Variants in PCDH15 observed in about 807,000 individuals in gnomAD.
The protein encoded by PCDH15 is protocadherin-15.
In PCDH15, 129 loss-of-function variants were observed where a neutral mutation model predicts 178.5. The ratio of observed to expected loss-of-function variants is 0.72; its 90% CI spans 0.63 to 0.84. The LOEUF (loss-of-function observed/expected upper bound fraction) is 0.84, where lower values mean the gene tolerates loss of function less well. PCDH15 is among the 40% of genes least tolerant of loss of function. The probability of loss-of-function intolerance (pLI) is 0.00; values close to 1 mark genes in which losing one functional copy is unlikely to be tolerated. For synonymous variants in PCDH15, 800 were observed against 732.0 expected (o/e 1.09, Z -1.50); for missense variants, 2,230 against 2,099.9 (o/e 1.06, Z -1.21).
At chr10:54,430,177 T>G (rs1229791976) in intron 3 of PCDH15, among the ~76,000 whole-genome samples, 1 of 151,738 alleles carries the variant, frequency 6.6e-6, no homozygotes, top group East Asian at 2.0e-4. Flanking sequence ...TGCCTCAACC[T>G]TCTGCTTAGC....
At chr10:53,808,567 ATCATAAG>A in intron 37 of PCDH15, 2 of 1,453,586 alleles carry the variant, frequency 1.4e-6, no homozygotes, top group Non-Finnish European at 1.8e-6. Context: ...CATGCTTCTG[ATCATAAG>A]TCATATCAAA....
At chr10:54,346,719 G>T (rs1046533653) in intron 5 of PCDH15, among the ~76,000 whole-genome samples, 8 of 152,212 alleles carry the variant, frequency 5.3e-5, no homozygotes, top group African/African-American at 1.7e-4. Flanking sequence ...AGAAGACGCT[G>T]ATTCCGTGTT....
At chr10:55,202,704 G>T (rs1840286364) in intron 1 of PCDH15, among the ~76,000 whole-genome samples, 1 of 152,118 alleles carries the variant, frequency 6.6e-6, no homozygotes, top group Admixed American at 6.5e-5. Flanking sequence ...ATCCCCCCGT[G>T]TCAAGGGAGG....
intron 2 of PCDH15, among the ~76,000 whole-genome samples, chr10:54,564,104 C>T (rs1210037948): frequency 1.3e-5 from 2 of 151,032 alleles, no homozygotes; most frequent in Non-Finnish European, 1.5e-5. Context: ...ACTCACTGCA[C>T]TTTTTTTGTA....
At chr10:54,581,015 G>C (rs1276087137) in intron 2 of PCDH15, among the ~76,000 whole-genome samples, 2 of 152,010 alleles carry the variant, frequency 1.3e-5, no homozygotes, top group Non-Finnish European at 2.9e-5. Context: ...GGCAAAAGCG[G>C]GATCAATCCC....
chr10:54,514,865 A>C (rs1207603812), intron 3 of PCDH15, among the ~76,000 whole-genome samples: 1 of 152,214 alleles, frequency 6.6e-6, no homozygotes, highest in Non-Finnish European at 1.5e-5. Flanking sequence ...TCAGTAACAG[A>C]AAAACAAAGA....
At chr10:55,312,020 C>T (rs1450986096) in intron 1 of PCDH15, among the ~76,000 whole-genome samples, 1 of 152,148 alleles carries the variant, frequency 6.6e-6, no homozygotes, top group East Asian at 1.9e-4. Context: ...GGGAGTAGCA[C>T]TCTATTAAAA....
At chr10:53,923,281 G>C (rs1427776964) in intron 25 of PCDH15, among the ~76,000 whole-genome samples, 1 of 152,022 alleles carries the variant, frequency 6.6e-6, no homozygotes, top group Non-Finnish European at 1.5e-5. Flanking sequence ...GGACTAATTA[G>C]GTACAAGATA....
intron 3 of PCDH15, among the ~76,000 whole-genome samples, chr10:54,423,970 T>G (rs7089823): frequency 0.39 from 58,660 of 151,480 alleles, 12,791 homozygotes; most frequent in Middle Eastern, 0.5. Flanking sequence ...ACTTCATGTC[T>G]AAAGCACCAA....
At chr10:54,094,399 G>C (rs1370323570) in intron 15 of PCDH15, among the ~76,000 whole-genome samples, 1 of 152,178 alleles carries the variant, frequency 6.6e-6, no homozygotes. Context: ...AAGTGATCAT[G>C]ACAGACTTAC....
chr10:53,885,082 T>C (rs185732778), intron 26 of PCDH15, among the ~76,000 whole-genome samples: 1 of 152,284 alleles, frequency 6.6e-6, no homozygotes, highest in East Asian at 1.9e-4. Context: ...GAACTTTCTA[T>C]CAATACATTT....
At chr10:55,421,438 T>C (rs10825505) in intron 2 of PCDH15, among the ~76,000 whole-genome samples, 29,624 of 148,896 alleles carry the variant, frequency 0.2, 3,921 homozygotes, top group Non-Finnish European at 0.29. Context: ...TATAAATTTA[T>C]ATATATTACA....
chr10:55,516,535 C>A (rs1841016257), intron 2 of PCDH15, among the ~76,000 whole-genome samples: 1 of 152,154 alleles, frequency 6.6e-6, no homozygotes, highest in Admixed American at 6.5e-5. Flanking sequence ...ATAGCAATGT[C>A]TGCCTGATTC....
At chr10:53,897,996 T>A (rs1315916374) in intron 26 of PCDH15, among the ~76,000 whole-genome samples, 1 of 128,470 alleles carries the variant, frequency 7.8e-6, no homozygotes, top group African/African-American at 3.1e-5. Flanking sequence ...AGACAGAGTC[T>A]CGCTCTGTCG....
At chr10:54,226,108 A>G (rs6481072) in intron 9 of PCDH15, among the ~76,000 whole-genome samples, 8,273 of 152,246 alleles carry the variant, frequency 0.054, 547 homozygotes, top group African/African-American at 0.17. Context: ...CCATTTTCAC[A>G]CTGGTGAAAA....
At chr10:55,160,445 C>T (rs1839033317) in intron 2 of PCDH15, among the ~76,000 whole-genome samples, 1 of 151,774 alleles carries the variant, frequency 6.6e-6, no homozygotes, top group South Asian at 2.1e-4. Flanking sequence ...CCAAATAATG[C>T]TTTTTTTGGT....
chr10:54,537,009 T>A (rs1178373224), intron 2 of PCDH15, among the ~76,000 whole-genome samples: 1 of 142,466 alleles, frequency 7.0e-6, no homozygotes, highest in Non-Finnish European at 1.5e-5. Flanking sequence ...TTTTTTTTTT[T>A]TTTTTTTTTG....
intron 1 of PCDH15, among the ~76,000 whole-genome samples, chr10:55,239,827 ACTAT>A (rs1440396365): frequency 6.6e-5 from 10 of 152,196 alleles, no homozygotes; most frequent in African/African-American, 9.6e-5. Context: ...AGGAGCTCAA[ACTAT>A]CTAATAGGAA....
intron 1 of PCDH15, among the ~76,000 whole-genome samples, chr10:54,687,840 T>C (rs770951338): frequency 1.3e-5 from 2 of 152,044 alleles, no homozygotes; most frequent in Non-Finnish European, 2.9e-5. Context: ...CCTATTACCA[T>C]GCCCATCCTT....
Sources: gnomAD v4.1 joint callset for allele counts (sites outside exome capture counted in the v4.1 genomes callset) on GRCh38, gnomAD v4.1.1 for gene constraint, MANE v1.5 for transcripts, NCBI Gene and HGNC (gene_info 2026-07-23, HGNC 2026-07-21) for gene names.